Variants in NIPA2 observed in about 807,000 individuals in gnomAD.
NIPA2 encodes the protein NIPA magnesium transporter 2.
NIPA2 carries 11 observed loss-of-function variants against 29.7 expected under a neutral mutation model. The ratio of observed to expected loss-of-function variants is 0.37; its 90% CI spans 0.23 to 0.61. The LOEUF is 0.61. Among genes scored for constraint, NIPA2 ranks in the 20% least tolerant of loss-of-function variants. The probability of loss-of-function intolerance (pLI) is 0.66; values close to 1 mark genes in which losing one functional copy is unlikely to be tolerated. For synonymous variants in NIPA2, 183 were observed against 161.9 expected, an observed-to-expected ratio of 1.13 and a Z score of -0.99; for missense variants, 426 against 437.9, an observed-to-expected ratio of 0.97 and a Z score of 0.24.
chr15:22,855,525 C>T (rs2058116431), intron 5 of NIPA2, among the ~76,000 whole-genome samples: 1 of 151,906 alleles, frequency 6.6e-6, no homozygotes, highest in South Asian at 2.1e-4. Context: ...GCTGGAGATA[C>T]ATCAGTGAGA....
chr15:22,857,698 A>G (rs1402691212), intron 5 of NIPA2, among the ~76,000 whole-genome samples: 1 of 150,448 alleles, frequency 6.6e-6, no homozygotes, highest in South Asian at 2.1e-4. Context: ...TTACCTGGGC[A>G]TGGTGGCGCC....
At position 22,858,777 on chromosome 15, in the gene NIPA2, A is replaced by G. The variant is rs2058396184; in HGVS notation, c.287+147A>G. 8 of 467,524 alleles carry G rather than the reference A, an allele frequency of 1.7e-5. No homozygotes were observed. The South Asian group carries it at 3.4e-4, about 20-fold the overall frequency. 29.0% of individuals were successfully genotyped at this position (467,524 alleles called of 1,614,324 possible). On this transcript the variant is annotated intron_variant, in intron 6 of 7. Coordinates refer to ENST00000337451, the MANE Select transcript of NIPA2 (RefSeq NM_030922.7). ...TTTACACTACGTAGTAATTGCTTTT[A>G]AAAAGTTACTTCTGTGCATAGGCAG...
In NIPA2 at chr15:22,867,643, C is replaced by T. The variant is rs73418442; in HGVS notation, c.*796C>T. ...ATAATGAGTTATATTGTCATTTAGA[C>T]TTTGAACAGCTCTGGGAAATAGAAG... is the stretch of plus-strand genomic sequence containing the variant. On this transcript the variant is annotated 3_prime_UTR_variant, in exon 8 of 8. Transcript: ENST00000337451. 0.019 allele frequency: 2,998 copies of T among 154,446 alleles called. 90 individuals are homozygous for T. The highest frequency in any genetic ancestry group is 0.068 in the African/African-American group (2,841 of 41,602). The allele number at this position is 154,446 out of a possible 1,614,324, so 9.6% of individuals were successfully genotyped here.
intron 4 of NIPA2, among the ~76,000 whole-genome samples, chr15:22,852,150 A>G (rs1453507392): frequency 1.3e-5 from 2 of 152,174 alleles, no homozygotes; most frequent in African/African-American, 2.4e-5. Flanking sequence ...AAATTTTGAT[A>G]TGTCTGCAGG....
Position 22,860,745 on chromosome 15 carries a change from A to C in NIPA2, c.404A>C (p.Glu135Ala), listed in dbSNP as rs2058561075. 2 of 1,601,212 alleles carry C rather than the reference A, an allele frequency of 1.2e-6. No individual in the cohort carries two copies. Among genetic ancestry groups the C allele is most frequent in the African/African-American group, 2.7e-5 (2 of 74,398 alleles). Reference sequence around the variant, plus strand: ...GTCATTCATGCTCCAAAGGAAGAGGAGATTGAGACTTTAAATGAAATGTCT... The same window carrying C: ...GTCATTCATGCTCCAAAGGAAGAGGCGATTGAGACTTTAAATGAAATGTCT... ...VMVIHAPKEE[E>A]IETLNEMSHK... Residue 135 changes from glutamate to alanine, a missense_variant, in exon 7 of 8, where the codon GAG (glutamate) becomes GCG (alanine). Transcript: ENST00000337451.
chr15:22,845,718 G>A (rs1025504291), intron 3 of NIPA2, among the ~76,000 whole-genome samples: 4 of 152,038 alleles, frequency 2.6e-5, no homozygotes, highest in African/African-American at 9.7e-5. Flanking sequence ...GTCTGAGGGT[G>A]TCAGGTTTCT....
intron 7 of NIPA2, 61 bp downstream of exon 7, chr15:22,860,850 A>G: frequency 7.5e-7 from 1 of 1,337,034 alleles, no homozygotes; most frequent in Non-Finnish European, 1.0e-6. Context: ...TTTTACTTTA[A>G]TCGAAATTTG....
At chr15:22,839,582 C>T (rs1837514267) in intron 1 of NIPA2, 73 bp from the exon 2 acceptor site, 1 of 152,164 alleles carries the variant, frequency 6.6e-6, no homozygotes, top group Non-Finnish European at 1.5e-5. Flanking sequence ...AGTATGAAGG[C>T]TAGTAACCAA....
intron 3 of NIPA2, among the ~76,000 whole-genome samples, chr15:22,846,789 C>G (rs1408779272): frequency 6.7e-6 from 1 of 148,984 alleles, no homozygotes; most frequent in Non-Finnish European, 1.5e-5. Context: ...GCACTCCAGC[C>G]TGGGTGACAG....
chr15:22,867,535 A>ATTC lies in NIPA2; in HGVS notation c.*692_*694dup, dbSNP rs1028790001. On this transcript the variant is annotated 3_prime_UTR_variant, in exon 8 of 8. Transcript: ENST00000337451. ...CTGCTGTTGCAGCCTGGCTGGGTTT[A>ATTC]TTCTTCAGTTACCCTAATCCCATGA... The ATTC allele has an allele frequency of 8.3e-6, 2 of 241,398 alleles. 1 individual carries two copies. The highest frequency in any genetic ancestry group is 1.6e-4 in the East Asian group (2 of 12,808). 15.0% of individuals were successfully genotyped at this position (241,398 alleles called of 1,614,324 possible).
At chr15:22,863,811 T>C (rs1488983214) in intron 7 of NIPA2, among the ~76,000 whole-genome samples, 1 of 152,132 alleles carries the variant, frequency 6.6e-6, no homozygotes, top group African/African-American at 2.4e-5. Context: ...CAGAGGTGAG[T>C]GTTGGGCTGA....
At chr15:22,841,795 C>T (rs1183284993) in intron 2 of NIPA2, among the ~76,000 whole-genome samples, 2 of 152,224 alleles carry the variant, frequency 1.3e-5, no homozygotes, top group African/African-American at 2.4e-5. Context: ...GCGTGAGCCA[C>T]CGCGCCCGGC....
chr15:22,846,504 G>A (rs1404346499), intron 3 of NIPA2, among the ~76,000 whole-genome samples: 2 of 152,086 alleles, frequency 1.3e-5, no homozygotes, highest in South Asian at 2.1e-4. Context: ...TCAGTTATTT[G>A]AAAGGTTCAT....
Position 22,867,336 on chromosome 15 carries a change from T to C in NIPA2, c.*489T>C. 1 of 396,628 alleles carries C rather than the reference T, an allele frequency of 2.5e-6. No homozygotes were observed. The highest frequency in any genetic ancestry group is 4.4e-6 in the Non-Finnish European group (1 of 225,106). The allele number at this position is 396,628 out of a possible 1,614,324, so 24.6% of individuals were successfully genotyped here. On this transcript the variant is annotated 3_prime_UTR_variant, in exon 8 of 8. Coordinates refer to ENST00000337451, the MANE Select transcript of NIPA2 (RefSeq NM_030922.7). Reference sequence around the variant, plus strand: ...ATGATGATTGGTTTTATTTTTGAAATATTTATTAAGGGAAAACTAAGTTAC... The same window carrying C: ...ATGATGATTGGTTTTATTTTTGAAACATTTATTAAGGGAAAACTAAGTTAC...
chr15:22,840,066 G>A (rs1201935171), intron 2 of NIPA2, among the ~76,000 whole-genome samples: 2 of 152,034 alleles, frequency 1.3e-5, no homozygotes, highest in Non-Finnish European at 2.9e-5. Flanking sequence ...GACCACAGAC[G>A]TGCGGCACCA....
chr15:22,857,314 G>A (rs1231840482), intron 5 of NIPA2, among the ~76,000 whole-genome samples: 2 of 151,818 alleles, frequency 1.3e-5, no homozygotes, highest in Non-Finnish European at 2.9e-5. Context: ...ATGTGGGCCT[G>A]TAATCCCAGC....
intron 6 of NIPA2, among the ~76,000 whole-genome samples, chr15:22,859,008 T>C (rs2058415709): frequency 6.6e-6 from 1 of 152,042 alleles, no homozygotes; most frequent in Admixed American, 6.5e-5. Flanking sequence ...ACCCTGTCTC[T>C]ACTAAAAATA....
rs1199182350 is a variant in NIPA2, at chr15:22,868,374, C to CTT, written c.*1528_*1529dup. The CTT allele has an allele frequency of 6.6e-6, 1 of 150,478 alleles. No individual in the cohort carries two copies. The highest frequency in any genetic ancestry group is 6.7e-5 in the Admixed American group (1 of 14,946). 9.3% of individuals were successfully genotyped at this position (150,478 alleles called of 1,614,324 possible). On this transcript the variant is annotated 3_prime_UTR_variant, in exon 8 of 8. Transcript: ENST00000337451. ...TGCATAGGTTAATAAATAATAAATT[C>CTT]TTATTTAACATTTTGTAGCACTTGA...
intron 5 of NIPA2, among the ~76,000 whole-genome samples, chr15:22,856,468 T>G (rs1217303243): frequency 6.6e-6 from 1 of 152,006 alleles, no homozygotes; most frequent in East Asian, 1.9e-4. Context: ...GATAAAAAGA[T>G]ATTTGAGACA....
Sources: gnomAD v4.1 joint callset for allele counts (sites outside exome capture counted in the v4.1 genomes callset) on GRCh38, gnomAD v4.1.1 for gene constraint, MANE v1.5 for transcripts, NCBI Gene and HGNC (gene_info 2026-07-23, HGNC 2026-07-21) for gene names.